NETO1: variants seen among roughly 807,000 people sequenced by gnomAD.
The protein encoded by NETO1 is neuropilin and tolloid-like protein 1.
Under a neutral mutation model 61.3 loss-of-function variants are expected in NETO1, and 26 were observed. The ratio of observed to expected loss-of-function variants is 0.42; its 90% CI spans 0.31 to 0.59. The LOEUF is 0.59. NETO1 is among the 20% of genes least tolerant of loss of function. The pLI, the probability that NETO1 is intolerant of heterozygous loss-of-function variation, is 0.12. For synonymous variants in NETO1, 225 were observed against 225.8 expected (o/e 1.00, Z 0.03); for missense variants, 531 against 662.8 (o/e 0.80, Z 2.18).
chr18:72,827,773 G>A (rs931311094), intron 4 of NETO1, among the ~76,000 whole-genome samples: 1 of 151,416 alleles, frequency 6.6e-6, no homozygotes, highest in South Asian at 2.1e-4. Context: ...AATTGTCCTT[G>A]CTGTTTGGGC....
chr18:72,847,206 G>C (rs935345112), intron 4 of NETO1, among the ~76,000 whole-genome samples: 15 of 152,230 alleles, frequency 9.9e-5, no homozygotes, highest in Non-Finnish European at 2.2e-4. Context: ...GCTTTAAAAA[G>C]TCAGCTATAG....
intron 4 of NETO1, chr18:72,835,129 C>T (rs1352931067): frequency 1.6e-6 from 2 of 1,221,902 alleles, no homozygotes; most frequent in Non-Finnish European, 2.1e-6. Flanking sequence ...ATGTGGCAAA[C>T]TTTCTCCAGA....
intron 4 of NETO1, among the ~76,000 whole-genome samples, chr18:72,844,421 T>G (rs2074024145): frequency 6.6e-6 from 1 of 152,234 alleles, no homozygotes; most frequent in Non-Finnish European, 1.5e-5. Context: ...ACATCACTAT[T>G]CAATTTAAAA....
rs1376684335 is a variant in NETO1 at position 72,808,696 on chromosome 18, C to T, written c.470-14292G>A. ...AATAAAGCTGTACAAGCCATGCTAA[C>T]GGAGCTTCAAGACAAGACCTTTTGT... is the stretch of plus-strand genomic sequence containing the variant. On this transcript the variant is annotated intron_variant, in intron 4 of 10. Transcript: ENST00000327305. Among the ~76,000 whole-genome samples the T allele has an allele frequency of 5.3e-5, 8 of 152,200 alleles. No homozygotes were observed. The South Asian group carries it at 6.2e-4, about 12-fold the overall frequency.
chr18:72,798,949 C>T (rs1430991481), intron 4 of NETO1, among the ~76,000 whole-genome samples: 6 of 152,154 alleles, frequency 3.9e-5, no homozygotes, highest in African/African-American at 1.2e-4. Flanking sequence ...ACATAGTGAC[C>T]AAGCACCCTG....
intron 7 of NETO1, among the ~76,000 whole-genome samples, chr18:72,782,049 T>C (rs1285435041): frequency 6.6e-6 from 1 of 152,124 alleles, no homozygotes; most frequent in Non-Finnish European, 1.5e-5. Flanking sequence ...CTTCTTTCTG[T>C]CCATATGGAC....
At chr18:72,784,985 G>T (rs1197446576) in intron 6 of NETO1, among the ~76,000 whole-genome samples, 1 of 152,078 alleles carries the variant, frequency 6.6e-6, no homozygotes, top group Non-Finnish European at 1.5e-5. Context: ...ATTATATAAA[G>T]CCAAAAGACC....
intron 4 of NETO1, among the ~76,000 whole-genome samples, chr18:72,846,723 G>T (rs112838125): frequency 6.6e-6 from 1 of 151,910 alleles, no homozygotes; most frequent in South Asian, 2.1e-4. Context: ...TCGTGTGCAC[G>T]TGCAAAAAAG....
At chr18:72,853,822 G>C (rs1412130360) in intron 4 of NETO1, among the ~76,000 whole-genome samples, 3 of 148,894 alleles carry the variant, frequency 2.0e-5, no homozygotes, top group African/African-American at 7.4e-5. Flanking sequence ...TCATATTTTT[G>C]TGCAAAATTT....
At chr18:72,797,437 G>A (rs2072354709) in intron 4 of NETO1, among the ~76,000 whole-genome samples, 1 of 152,136 alleles carries the variant, frequency 6.6e-6, no homozygotes, top group South Asian at 2.1e-4. Context: ...CATATGACCT[G>A]CAAAAACAAA....
chr18:72,816,636 G>A (rs1197523174), intron 4 of NETO1, among the ~76,000 whole-genome samples: 2 of 152,146 alleles, frequency 1.3e-5, no homozygotes, highest in Admixed American at 6.5e-5. Context: ...TGCTGCCAGC[G>A]TCAAAGGAAA....
At chr18:72,857,108 T>C (rs2074431413) in intron 4 of NETO1, among the ~76,000 whole-genome samples, 1 of 152,334 alleles carries the variant, frequency 6.6e-6, no homozygotes, top group East Asian at 1.9e-4. Context: ...AGTCTCCTTT[T>C]TATGGTCCTA....
At position 72,866,960 on chromosome 18, in the gene NETO1, G is replaced by A. The variant is rs1057329898; in HGVS notation, c.28+304C>T. The A allele has an allele frequency of 7.4e-6, 3 of 404,724 alleles. 1 individual carries two copies. The highest frequency in any genetic ancestry group is 4.1e-5 in the African/African-American group (2 of 48,426). The allele number at this position is 404,724 out of a possible 1,614,324, so 25.1% of individuals were successfully genotyped here. A position where few individuals can be genotyped will look rare whatever the true frequency, so the allele number is the denominator to read the frequency against. On this transcript the variant is annotated intron_variant, in intron 1 of 10. Transcript: ENST00000327305. ...GCTTTCCACCTGCGCCCTCGCTTGG[G>A]CCAATCTCTGCCGCACGTGTCCATC... is the stretch of plus-strand genomic sequence containing the variant.
chr18:72,859,049 A>C lies in NETO1; in HGVS notation c.246T>G (p.Leu82=). 6.2e-7 allele frequency: 1 copy of C among 1,613,366 alleles called. No homozygotes were observed. Among genetic ancestry groups the C allele is most frequent in the Non-Finnish European group, 8.5e-7 (1 of 1,179,682 alleles). ...IEAAPRQCIE[L]YFDEKYSIEP... ...CAATAGAGTACTTTTCATCAAAGTA[A>C]AGTTCAATGCACTGTCTTGGAGCGG... The change falls in exon 4 of 11, where the codon CTT becomes CTG. Residue 82 remains leucine, a synonymous_variant. Coordinates refer to ENST00000327305, the MANE Select transcript of NETO1 (RefSeq NM_138966.5).
intron 4 of NETO1, among the ~76,000 whole-genome samples, chr18:72,846,172 C>G (rs1479930277): frequency 6.6e-6 from 1 of 151,092 alleles, no homozygotes; most frequent in South Asian, 2.1e-4. Flanking sequence ...GAGGAGCAAG[C>G]AGGAGACCAC....
At chr18:72,851,415 A>G (rs904533300) in intron 4 of NETO1, among the ~76,000 whole-genome samples, 10 of 133,616 alleles carry the variant, frequency 7.5e-5, no homozygotes, top group South Asian at 2.4e-4. Flanking sequence ...CCCTCAAAAC[A>G]AAAAAAGAAA....
In NETO1 at chr18:72,867,264, T is replaced by C; in HGVS notation, c.28A>G (p.Ile10Val). The part of the protein sequence containing the change: MIHGRSVLH[I>V]VASLIILHLS... Reference sequence around the variant, plus strand: ...CGGGCGCGGCGGGGAGGGTACTCACTGTGAAGCACGCTGCGCCCATGGATC... The same window carrying C: ...CGGGCGCGGCGGGGAGGGTACTCACCGTGAAGCACGCTGCGCCCATGGATC... The change falls in exon 1 of 11, where the codon ATT (isoleucine) becomes GTT (valine). Residue 10 changes from isoleucine to valine, a missense_variant and splice_region_variant. By Grantham distance (29) the Ile-to-Val change is conservative (BLOSUM62 3). Coordinates refer to ENST00000327305, the MANE Select transcript of NETO1 (RefSeq NM_138966.5). The C allele has an allele frequency of 1.3e-6, 2 of 1,560,176 alleles. No individual in the cohort carries two copies. Among genetic ancestry groups the C allele is most frequent in the Non-Finnish European group, 1.7e-6 (2 of 1,152,908 alleles).
rs182626290 is a variant in NETO1, at chr18:72,806,948, T to A, written c.470-12544A>T. Among the ~76,000 whole-genome samples, 27 of 152,326 alleles carry A rather than the reference T, an allele frequency of 1.8e-4. No individual in the cohort carries two copies. In the East Asian group the frequency reaches 5.0e-3, roughly 28 times the overall value. Reference sequence around the variant, plus strand: ...TCTGCAACAGGTGTTGGACCCCTTGTTTTTTACTCAAGGTTGAAAACCAGA... The same window carrying A: ...TCTGCAACAGGTGTTGGACCCCTTGATTTTTACTCAAGGTTGAAAACCAGA... On this transcript the variant is annotated intron_variant, in intron 4 of 10. Coordinates refer to ENST00000327305, the MANE Select transcript of NETO1 (RefSeq NM_138966.5).
chr18:72,848,162 A>C (rs2074145392), intron 4 of NETO1, among the ~76,000 whole-genome samples: 1 of 152,214 alleles, frequency 6.6e-6, no homozygotes, highest in African/African-American at 2.4e-5. Context: ...TGATGGCGAC[A>C]TTAATTTCCT....
Sources: gnomAD v4.1 joint callset for allele counts (sites outside exome capture counted in the v4.1 genomes callset) on GRCh38, gnomAD v4.1.1 for gene constraint, MANE v1.5 for transcripts, NCBI Gene and HGNC (gene_info 2026-07-23, HGNC 2026-07-21) for gene names.